Variants in MAGI2 observed in about 807,000 individuals in gnomAD.
MAGI2 encodes membrane-associated guanylate kinase, WW and PDZ domain-containing protein 2.
In MAGI2, 35 loss-of-function variants were observed where a neutral mutation model predicts 133.3. That is an observed-to-expected ratio of 0.26 (90% CI 0.20 to 0.35). MAGI2 has a LOEUF of 0.35. Ranked by LOEUF, MAGI2 falls within the 10% of genes least tolerant of loss-of-function variation. The pLI is 1.00. For missense variants in MAGI2, 1,636 were observed against 1,863.4 expected, an observed-to-expected ratio of 0.88 and a Z score of 2.25; for synonymous variants, 729 against 710.6, an observed-to-expected ratio of 1.03 and a Z score of -0.41.
intron 1 of MAGI2, among the ~76,000 whole-genome samples, chr7:79,385,656 A>C (rs1844122579): frequency 6.6e-6 from 1 of 151,920 alleles, no homozygotes; most frequent in Non-Finnish European, 1.5e-5. Flanking sequence ...ACACAGAAAA[A>C]GAGAATGAAA....
At chr7:78,335,230 C>T (rs1244747140) in intron 9 of MAGI2, among the ~76,000 whole-genome samples, 5 of 152,198 alleles carry the variant, frequency 3.3e-5, no homozygotes, top group Admixed American at 6.5e-5. Context: ...CTCTCAGTTG[C>T]TCCACGGAAC....
chr7:79,403,350 G>C (rs1387854733), intron 1 of MAGI2, among the ~76,000 whole-genome samples: 1 of 151,992 alleles, frequency 6.6e-6, no homozygotes, highest in Non-Finnish European at 1.5e-5. Flanking sequence ...TATATCAGCT[G>C]TTAGTTTTTT....
intron 2 of MAGI2, among the ~76,000 whole-genome samples, chr7:78,972,018 GA>G (rs1803833236): frequency 6.6e-6 from 1 of 151,850 alleles, no homozygotes. Flanking sequence ...CAAAAAATAA[GA>G]GATGAAAAGG....
intron 6 of MAGI2, among the ~76,000 whole-genome samples, chr7:78,442,606 G>T (rs1327094797): frequency 6.6e-6 from 1 of 152,132 alleles, no homozygotes; most frequent in Non-Finnish European, 1.5e-5. Flanking sequence ...AATTTAGGAA[G>T]TTTGGCAAAT....
At chr7:79,180,673 C>A (rs931779243) in intron 1 of MAGI2, among the ~76,000 whole-genome samples, 1 of 151,960 alleles carries the variant, frequency 6.6e-6, no homozygotes, top group Non-Finnish European at 1.5e-5. Flanking sequence ...CAAAAGCAAT[C>A]ATGCCTTCCC....
At chr7:78,626,207 AC>A (rs2150952315) in intron 3 of MAGI2, among the ~76,000 whole-genome samples, 1 of 152,254 alleles carries the variant, frequency 6.6e-6, no homozygotes, top group East Asian at 1.9e-4. Context: ...CTGTACATAT[AC>A]TTTGTAACTG....
At chr7:78,640,662 C>G (rs1810196063) in intron 2 of MAGI2, among the ~76,000 whole-genome samples, 1 of 152,228 alleles carries the variant, frequency 6.6e-6, no homozygotes, top group South Asian at 2.1e-4. Context: ...GCTGACTCAG[C>G]ATCCTACCCC....
At chr7:79,198,811 C>T (rs924043752) in intron 1 of MAGI2, among the ~76,000 whole-genome samples, 2 of 151,814 alleles carry the variant, frequency 1.3e-5, no homozygotes, top group African/African-American at 2.4e-5. Flanking sequence ...TCGCTTGAAC[C>T]CAAGAGGCAG....
Position 78,019,229 on chromosome 7 carries a change from A to C in MAGI2, c.*86T>G, listed in dbSNP as rs760567675. The stretch of plus-strand genomic sequence containing the variant: ...TGCCTCGTGGATCTATGCGTGTGAC[A>C]GTGAAAATAAATTAAAACGCCGTGA... On this transcript the variant is annotated 3_prime_UTR_variant, in exon 22 of 22. Transcript: ENST00000354212. 4 of 1,454,396 alleles carry C rather than the reference A, an allele frequency of 2.8e-6. No homozygotes were observed. Among genetic ancestry groups the C allele is most frequent in the Non-Finnish European group, 3.7e-6 (4 of 1,075,172 alleles). 90.1% of individuals were successfully genotyped at this position (1,454,396 alleles called of 1,614,324 possible). A position where few individuals can be genotyped will look rare whatever the true frequency, so the allele number is the denominator to read the frequency against.
intron 21 of MAGI2, among the ~76,000 whole-genome samples, chr7:78,024,802 C>T (rs2038084491): frequency 6.6e-6 from 1 of 151,872 alleles, no homozygotes; most frequent in African/African-American, 2.4e-5. Flanking sequence ...TATAGTCTAC[C>T]ATGAACCACA....
intron 7 of MAGI2, among the ~76,000 whole-genome samples, chr7:78,364,719 A>G (rs1268602974): frequency 6.6e-6 from 1 of 152,240 alleles, no homozygotes; most frequent in African/African-American, 2.4e-5. Context: ...AACTGCCATT[A>G]AAACCAAAAT....
intron 2 of MAGI2, among the ~76,000 whole-genome samples, chr7:78,781,006 G>A (rs1484213520): frequency 2.0e-5 from 3 of 152,080 alleles, no homozygotes; most frequent in Non-Finnish European, 4.4e-5. Context: ...AGATTGTTTG[G>A]GGAATGACTT....
At position 79,428,036 on chromosome 7, in the gene MAGI2, C is replaced by A. The variant is rs1425598668; in HGVS notation, c.301+24984G>T. Reference sequence around the variant, plus strand: ...ATTTCCAAATTTTTAGTGTATTGAACTAGAAAACTATGGGGTCCCTAAAAG... The same window carrying A: ...ATTTCCAAATTTTTAGTGTATTGAAATAGAAAACTATGGGGTCCCTAAAAG... On this transcript the variant is annotated intron_variant, in intron 1 of 21. Coordinates refer to ENST00000354212, the MANE Select transcript of MAGI2 (RefSeq NM_012301.4). Among the ~76,000 whole-genome samples, 7 of 152,138 alleles carry A rather than the reference C, an allele frequency of 4.6e-5. No individual in the cohort carries two copies. In the East Asian group the frequency reaches 7.7e-4, roughly 17 times the overall value.
chr7:78,116,423 TA>T (rs1819878734), intron 20 of MAGI2, among the ~76,000 whole-genome samples: 1 of 147,584 alleles, frequency 6.8e-6, no homozygotes, highest in South Asian at 2.1e-4. Context: ...ATATTAAGTA[TA>T]AAAACAGAAA....
At chr7:78,233,455 CAGT>C (rs1047169527) in intron 10 of MAGI2, among the ~76,000 whole-genome samples, 8 of 151,976 alleles carry the variant, frequency 5.3e-5, no homozygotes, top group Non-Finnish European at 8.8e-5. Context: ...AACCAGACAG[CAGT>C]AGGATGAGAG....
chr7:78,175,812 G>T (rs958698721), intron 14 of MAGI2, among the ~76,000 whole-genome samples: 1 of 152,044 alleles, frequency 6.6e-6, no homozygotes, highest in Non-Finnish European at 1.5e-5. Flanking sequence ...GAGTACTCAT[G>T]TTGGAAAAAA....
rs561636701 is a variant in MAGI2, at chr7:79,298,446, T to A, written c.301+154574A>T. 3.3e-5 allele frequency among the ~76,000 whole-genome samples: 5 copies of A among 152,276 alleles called. No homozygotes were observed. In the South Asian group the frequency reaches 1.0e-3, roughly 32 times the overall value. On this transcript the variant is annotated intron_variant, in intron 1 of 21. Transcript: ENST00000354212. ...GGAACAAGCTAGTGAAAAACAATAT[T>A]ATGGCTGTTTTGTAACACACAAAAA...
chr7:78,601,538 T>G (rs1282890075), intron 3 of MAGI2, among the ~76,000 whole-genome samples: 2 of 152,178 alleles, frequency 1.3e-5, no homozygotes, highest in Non-Finnish European at 2.9e-5. Flanking sequence ...AAATTTTGGT[T>G]GTTCGAGATA....
intron 2 of MAGI2, among the ~76,000 whole-genome samples, chr7:78,649,540 A>T (rs1264375940): frequency 6.6e-6 from 1 of 152,188 alleles, no homozygotes; most frequent in Non-Finnish European, 1.5e-5. Context: ...TTAAAAAGTT[A>T]GTATCATTTG....
Sources: gnomAD v4.1 joint callset for allele counts (sites outside exome capture counted in the v4.1 genomes callset) on GRCh38, gnomAD v4.1.1 for gene constraint, MANE v1.5 for transcripts, NCBI Gene and HGNC (gene_info 2026-07-23, HGNC 2026-07-21) for gene names.